The following NINL variants were observed in gnomAD, a reference collection of about 807,000 sequenced individuals.
The protein encoded by NINL is ninein-like protein.
In NINL, 153 loss-of-function variants were observed where a neutral mutation model predicts 160.3. That is an observed-to-expected ratio of 0.95 (90% CI 0.84 to 1.09). The LOEUF is 1.09. Among genes scored for constraint, NINL ranks in the 50% least tolerant of loss-of-function variants. The pLI is 0.00. For missense variants in NINL, 1,829 were observed against 1,764.0 expected, an observed-to-expected ratio of 1.04 and a Z score of -0.66; for synonymous variants, 800 against 734.8, an observed-to-expected ratio of 1.09 and a Z score of -1.43.
At chr20:25,458,555 T>C (rs747859248) in intron 21 of NINL, 26 bp from the exon 22 acceptor site, 1 of 1,546,232 alleles carries the variant, frequency 6.5e-7, no homozygotes, top group South Asian at 1.2e-5. Flanking sequence ...GAGACAGCTC[T>C]GGTGGGGCTG....
At chr20:25,463,143 A>G (rs1033333973) in intron 19 of NINL, among the ~76,000 whole-genome samples, 1 of 152,034 alleles carries the variant, frequency 6.6e-6, no homozygotes, top group Non-Finnish European at 1.5e-5. Flanking sequence ...TTGGCCCCAA[A>G]CGTCACCAGT....
At chr20:25,565,482 G>A (rs1432331152) in intron 1 of NINL, among the ~76,000 whole-genome samples, 1 of 152,090 alleles carries the variant, frequency 6.6e-6, no homozygotes, top group African/African-American at 2.4e-5. Flanking sequence ...TCACAGTCCA[G>A]GAACTCAGAC....
chr20:25,453,883 T>C (rs1185278030), intron 23 of NINL, among the ~76,000 whole-genome samples: 1 of 151,904 alleles, frequency 6.6e-6, no homozygotes, highest in African/African-American at 2.4e-5. Context: ...ACCCCATCTC[T>C]ACTAAAAAAT....
chr20:25,581,178 C>T (rs1182882431), intron 1 of NINL, among the ~76,000 whole-genome samples: 12 of 152,304 alleles, frequency 7.9e-5, no homozygotes, highest in Admixed American at 2.0e-4. Flanking sequence ...CAGTGGCTCA[C>T]GCCCGCAATC....
At chr20:25,555,338 C>G (rs1385929690) in intron 1 of NINL, among the ~76,000 whole-genome samples, 1 of 152,310 alleles carries the variant, frequency 6.6e-6, no homozygotes, top group African/African-American at 2.4e-5. Flanking sequence ...CATCTTCCTA[C>G]TGACAATTTT....
chr20:25,489,121 C>A, intron 13 of NINL, 123 bp downstream of exon 13: 1 of 963,468 alleles, frequency 1.0e-6, no homozygotes, highest in South Asian at 1.4e-5. Flanking sequence ...AGGCCATGGT[C>A]AAGCATGGCC....
At chr20:25,515,937 A>C (rs967626986) in intron 3 of NINL, among the ~76,000 whole-genome samples, 14 of 151,786 alleles carry the variant, frequency 9.2e-5, no homozygotes, top group African/African-American at 3.4e-4. Flanking sequence ...TGCCCGGCTA[A>C]TTTTTTTGTA....
rs745365143 is a variant in NINL, at chr20:25,517,760, C to G, written c.270G>C (p.Leu90Phe). 1 of 1,596,656 alleles carries G rather than the reference C, an allele frequency of 6.3e-7. No homozygotes were observed. Among genetic ancestry groups the G allele is most frequent in the Non-Finnish European group, 8.5e-7 (1 of 1,174,368 alleles). Reference sequence around the variant, plus strand: ...CAGAGGAAATCCTCTTACCTGATTCCAAAGAACTACTGTCTTCATCTGAGG... The same window carrying G: ...CAGAGGAAATCCTCTTACCTGATTCGAAAGAACTACTGTCTTCATCTGAGG... The part of the protein sequence containing the change: ...VRPSDEDSSS[L>F]ESAASSAIPP... Residue 90 changes from leucine (L) to phenylalanine (F), a missense_variant, in exon 3 of 24, where the codon TTG becomes TTC. Leu to Phe is a conservative substitution (Grantham distance 22, BLOSUM62 0). Coordinates refer to ENST00000278886, the MANE Select transcript of NINL (RefSeq NM_025176.6).
intron 7 of NINL, among the ~76,000 whole-genome samples, chr20:25,501,727 G>A (rs769367299): frequency 5.3e-5 from 8 of 152,126 alleles, no homozygotes; most frequent in Non-Finnish European, 7.4e-5. Flanking sequence ...TCCACCTCCT[G>A]GACTCAAGTG....
intron 1 of NINL, among the ~76,000 whole-genome samples, chr20:25,554,636 C>CAAAACAAAAAAAAAAAAAA (rs1195606239): frequency 1.2e-5 from 1 of 85,800 alleles, no homozygotes; most frequent in Non-Finnish European, 2.1e-5. Context: ...AAAAAAAAAA[C>CAAAACAAAAAAAAAAAAAA]AAAAAAAAAA....
chr20:25,554,736 G>A (rs1600333880), intron 1 of NINL, among the ~76,000 whole-genome samples: 2 of 152,174 alleles, frequency 1.3e-5, no homozygotes, highest in East Asian at 3.9e-4. Flanking sequence ...GGGCCCAGGA[G>A]GTCAAGGCTG....
At chr20:25,489,835 C>A in intron 12 of NINL, 40 bp downstream of exon 12, 1 of 1,574,518 alleles carries the variant, frequency 6.4e-7, no homozygotes, top group Non-Finnish European at 8.7e-7. Flanking sequence ...GCCCAGCAGG[C>A]CCTCCCCTCT....
chr20:25,457,594 CT>C (rs11478040), intron 22 of NINL, among the ~76,000 whole-genome samples: 58,355 of 152,042 alleles, frequency 0.38, 12,740 homozygotes, highest in East Asian at 0.92. Context: ...TTCATTAGAA[CT>C]TACACTTTAC....
chr20:25,518,124 C>T (rs575821216), intron 2 of NINL, among the ~76,000 whole-genome samples: 27 of 152,188 alleles, frequency 1.8e-4, no homozygotes, highest in African/African-American at 4.8e-4. Flanking sequence ...CTGATGACCA[C>T]GAAACGTTAC....
Position 25,480,111 on chromosome 20 carries a change from A to T in NINL, c.1917+50T>A. 2.9e-6 allele frequency: 4 copies of T among 1,358,634 alleles called. No homozygotes were observed. The East Asian group carries it at 9.2e-5, about 31-fold the overall frequency. 84.2% of individuals were successfully genotyped at this position (1,358,634 alleles called of 1,614,324 possible). A position where few individuals can be genotyped will look rare whatever the true frequency, so the allele number is the denominator to read the frequency against. On this transcript the variant is annotated intron_variant, in intron 15 of 23. Coordinates refer to ENST00000278886, the MANE Select transcript of NINL (RefSeq NM_025176.6). ...CAGCGTGCCCAAGTAAAGCTGCCCA[A>T]CACACAGCAGCTACTCCCCCAGGGC...
chr20:25,567,729 T>C, intron 1 of NINL, among the ~76,000 whole-genome samples: 1 of 152,078 alleles, frequency 6.6e-6, no homozygotes, highest in East Asian at 1.9e-4. Flanking sequence ...TAATACAAAA[T>C]ATGCTATCAG....
chr20:25,464,736 C>T (rs2062871703), intron 19 of NINL, among the ~76,000 whole-genome samples: 1 of 152,210 alleles, frequency 6.6e-6, no homozygotes, highest in African/African-American at 2.4e-5. Flanking sequence ...AGCATCCTTC[C>T]CGGCACAGGA....
At chr20:25,575,346 T>C (rs1373343224) in intron 1 of NINL, among the ~76,000 whole-genome samples, 2 of 141,294 alleles carry the variant, frequency 1.4e-5, no homozygotes, top group African/African-American at 5.3e-5. Flanking sequence ...ACTCCAGAGG[T>C]TGAGGCAGGA....
intron 1 of NINL, among the ~76,000 whole-genome samples, chr20:25,573,689 A>C (rs2065081297): frequency 6.6e-6 from 1 of 152,242 alleles, no homozygotes; most frequent in Non-Finnish European, 1.5e-5. Context: ...TTGCTATTGC[A>C]ACTACTTGAA....
Sources: gnomAD v4.1 joint callset for allele counts (sites outside exome capture counted in the v4.1 genomes callset) on GRCh38, gnomAD v4.1.1 for gene constraint, MANE v1.5 for transcripts, NCBI Gene and HGNC (gene_info 2026-07-23, HGNC 2026-07-21) for gene names.